The following LRRC3C variants were observed in gnomAD, a reference collection of about 807,000 sequenced individuals.
The protein encoded by LRRC3C is leucine-rich repeat-containing protein 3C.
Under a neutral mutation model 14.8 loss-of-function variants are expected in LRRC3C, and 11 were observed. The ratio of observed to expected loss-of-function variants is 0.74; its 90% confidence interval spans 0.47 to 1.23. LRRC3C has a LOEUF of 1.23. LRRC3C is among the 50% of genes most tolerant of loss of function. The pLI, the probability that LRRC3C is intolerant of heterozygous loss-of-function variation, is 0.00. For missense variants in LRRC3C, 354 were observed against 361.8 expected, an observed-to-expected ratio of 0.98 and a Z score of 0.18; for synonymous variants, 149 against 161.5, an observed-to-expected ratio of 0.92 and a Z score of 0.59.
chr17:39,938,965 G>A (rs906594374), intron 2 of LRRC3C, among the ~76,000 whole-genome samples: 2 of 150,656 alleles, frequency 1.3e-5, no homozygotes, highest in Admixed American at 6.6e-5. Flanking sequence ...CAGCCTGGGT[G>A]CACTCAGAGA....
intron 3 of LRRC3C, among the ~76,000 whole-genome samples, chr17:39,942,085 A>G (rs538386691): frequency 2.0e-5 from 3 of 152,332 alleles, no homozygotes; most frequent in South Asian, 2.1e-4. Flanking sequence ...CCTGCACAGC[A>G]TACGAGAGGA....
At chr17:39,938,584 C>G (rs1978860784) in intron 2 of LRRC3C, among the ~76,000 whole-genome samples, 1 of 151,818 alleles carries the variant, frequency 6.6e-6, no homozygotes, top group African/African-American at 2.4e-5. Context: ...GTCTGTGGTC[C>G]CAGCTACATA....
At chr17:39,933,324 G>A (rs138682696) in intron 1 of LRRC3C, among the ~76,000 whole-genome samples, 2 of 152,170 alleles carry the variant, frequency 1.3e-5, no homozygotes, top group South Asian at 2.1e-4. Context: ...AGTGGTGATC[G>A]GGCCTCTGCT....
intron 1 of LRRC3C, 131 bp from the exon 2 acceptor site, chr17:39,935,671 A>G (rs146420745): frequency 3.6e-6 from 1 of 275,874 alleles, no homozygotes; most frequent in East Asian, 1.8e-4. Flanking sequence ...GAAAAAAACA[A>G]CTCTGAATCC....
At position 39,944,607 on chromosome 17, in the gene LRRC3C, C is replaced by T. The variant is rs755512347; in HGVS notation, c.701C>T (p.Thr234Ile). 8.5e-6 allele frequency: 13 copies of T among 1,535,750 alleles called. No homozygotes were observed. The South Asian group carries it at 1.5e-4, about 18-fold the overall frequency. The stretch of plus-strand genomic sequence containing the variant: ...CTGGTCACCATGGGGGGCTGGCTGA[C>T]ACTCATGGTGGCTTATCTGGTGCAT... ...ALLVTMGGWL[T>I]LMVAYLVHYV... Residue 234 changes from threonine (T) to isoleucine (I), a missense_variant, in exon 4 of 4, where the codon ACA becomes ATA. Coordinates refer to ENST00000377924, the MANE Select transcript of LRRC3C (RefSeq NM_001195545.2).
At chr17:39,939,314 T>G in intron 2 of LRRC3C, 1 of 977,624 alleles carries the variant, frequency 1.0e-6, no homozygotes, top group Non-Finnish European at 1.2e-6. Flanking sequence ...TTATTAATAC[T>G]TATTCTCTCT....
chr17:39,935,929 A>G, intron 2 of LRRC3C, 35 bp downstream of exon 2: 1 of 957,556 alleles, frequency 1.0e-6, no homozygotes, highest in Non-Finnish European at 1.2e-6. Context: ...CTATCTATCT[A>G]TCTACCTACC....
At chr17:39,937,404 C>T (rs1327026217) in intron 2 of LRRC3C, among the ~76,000 whole-genome samples, 1 of 149,524 alleles carries the variant, frequency 6.7e-6, no homozygotes, top group Non-Finnish European at 1.5e-5. Flanking sequence ...CCATTGCACT[C>T]CAGCCTGGGC....
rs1382830403 is a variant in LRRC3C, at chr17:39,944,348, T to C, written c.442T>C (p.Phe148Leu). ...GCTGGCCTCAGTGCCCGTGGAGGCCTTTGTGGGGCTACAGATCCAAGTGAA... is the reference window on the plus strand; with the variant it reads ...GCTGGCCTCAGTGCCCGTGGAGGCCCTTGTGGGGCTACAGATCCAAGTGAA... ...NQLASVPVEA[F>L]VGLQIQVNLS... Residue 148 changes from phenylalanine (F) to leucine (L), a missense_variant, in exon 4 of 4, where the codon TTT (phenylalanine) becomes CTT (leucine). Transcript: ENST00000377924. The C allele has an allele frequency of 2.6e-6, 4 of 1,534,822 alleles. No individual in the cohort carries two copies. Among genetic ancestry groups the C allele is most frequent in the African/African-American group, 2.7e-5 (2 of 72,994 alleles).
rs34932103 is a variant in LRRC3C, at chr17:39,930,396, T to TA, written c.-175+2611dup. Among the ~76,000 whole-genome samples the TA allele has an allele frequency of 8.7e-3, 422 of 48,594 alleles. 16 individuals are homozygous for TA. Among genetic ancestry groups the TA allele is most frequent in the East Asian group, 0.017 (24 of 1,396 alleles). The allele number at this position is 48,594 out of a possible 152,430, so 31.9% of individuals were successfully genotyped here. A position where few individuals can be genotyped will look rare whatever the true frequency, so the allele number is the denominator to read the frequency against. On this transcript the variant is annotated intron_variant, in intron 1 of 3. Transcript: ENST00000377924. ...GATCCTGATTCAAGCAAACTGACTT[T>TA]AAAAAAAAAAAAAAAAAAAAAAAAA...
At position 39,935,922 on chromosome 17, in the gene LRRC3C, TCTATCTATCTACCTAC is replaced by T. The variant is rs1386424849; in HGVS notation, c.-82+40_-82+55del. 10 of 963,712 alleles carry T rather than the reference TCTATCTATCTACCTAC, an allele frequency of 1.0e-5. No individual in the cohort carries two copies. In the East Asian group the frequency reaches 1.0e-3, roughly 100 times the overall value. 59.7% of individuals were successfully genotyped at this position (963,712 alleles called of 1,614,324 possible). A position where few individuals can be genotyped will look rare whatever the true frequency, so the allele number is the denominator to read the frequency against. ...AGCCCTTCCTTATCTATCTTCTCTA[TCTATCTATCTACCTAC>T]CTATCTATCTATCTTTTTCCTTTCA... On this transcript the variant is annotated intron_variant, in intron 2 of 3. Transcript: ENST00000377924.
At chr17:39,941,412 C>T (rs555177306) in intron 2 of LRRC3C, 31 bp from the exon 3 acceptor site, 10 of 704,518 alleles carry the variant, frequency 1.4e-5, no homozygotes, top group Middle Eastern at 4.7e-4. Flanking sequence ...GGGACCCCCC[C>T]ACACACACCC....
In LRRC3C at chr17:39,930,277, CAAAAA is replaced by C. The variant is rs61165669; in HGVS notation, c.-175+2480_-175+2484del. Among the ~76,000 whole-genome samples, 24 of 57,550 alleles carry C rather than the reference CAAAAA, an allele frequency of 4.2e-4. 1 individual carries two copies. In the Admixed American group the frequency reaches 6.1e-3, roughly 15 times the overall value. 37.8% of individuals were successfully genotyped at this position (57,550 alleles called of 152,430 possible). A position where few individuals can be genotyped will look rare whatever the true frequency, so the allele number is the denominator to read the frequency against. On this transcript the variant is annotated intron_variant, in intron 1 of 3. Coordinates refer to ENST00000377924, the MANE Select transcript of LRRC3C (RefSeq NM_001195545.2). The stretch of plus-strand genomic sequence containing the variant: ...TGGGCAGCAGAGTGAGATCCTGTCT[CAAAAA>C]AAAAAAAAAAAAAAAAGGAAAAAAA...
In LRRC3C at chr17:39,941,537, C is replaced by T; in HGVS notation, c.14C>T (p.Ser5Leu). Reference protein sequence around the residue: MRMTSSSFVSYCTPG... With the variant: MRMTLSSFVSYCTPG... ...GAAAGGTCTCCAATGCGTATGACCT[C>T]ATCTTCCTTCGTGTAAGTATATCCA... Residue 5 changes from serine to leucine, a missense_variant, in exon 3 of 4, where the codon TCA (serine) becomes TTA (leucine). By Grantham distance (145) the Ser-to-Leu change is moderately radical. Transcript: ENST00000377924. 1 of 1,535,842 alleles carries T rather than the reference C, an allele frequency of 6.5e-7. No homozygotes were observed. Among genetic ancestry groups the T allele is most frequent in the Non-Finnish European group, 8.7e-7 (1 of 1,146,764 alleles).
intron 3 of LRRC3C, 134 bp from the exon 4 acceptor site, chr17:39,943,799 C>T: frequency 1.3e-6 from 1 of 772,530 alleles, no homozygotes; most frequent in Non-Finnish European, 2.0e-6. Context: ...GTCACCCAGG[C>T]TTGAGAGAAG....
At chr17:39,928,368 A>G (rs1402011048) in intron 1 of LRRC3C, among the ~76,000 whole-genome samples, 1 of 152,232 alleles carries the variant, frequency 6.6e-6, no homozygotes, top group Non-Finnish European at 1.5e-5. Context: ...CCTGGTAGAC[A>G]TGGGGTAGGC....
intron 2 of LRRC3C, among the ~76,000 whole-genome samples, chr17:39,937,686 T>A (rs1978836152): frequency 6.6e-6 from 1 of 152,182 alleles, no homozygotes; most frequent in Non-Finnish European, 1.5e-5. Flanking sequence ...AAAGCCCAGA[T>A]CAAATGTCAC....
chr17:39,944,374 C>T lies in LRRC3C; in HGVS notation c.468C>T (p.Asn156=). The T allele has an allele frequency of 4.6e-6, 7 of 1,529,796 alleles. No individual in the cohort carries two copies. Among genetic ancestry groups the T allele is most frequent in the Non-Finnish European group, 6.1e-6 (7 of 1,144,210 alleles). 94.8% of individuals were successfully genotyped at this position (1,529,796 alleles called of 1,614,324 possible). A position where few individuals can be genotyped will look rare whatever the true frequency, so the allele number is the denominator to read the frequency against. ...EAFVGLQIQV[N]LSANPWHCDC... ...TTGTGGGGCTACAGATCCAAGTGAA[C>T]CTATCCGCAAACCCATGGCACTGTG... The change falls in exon 4 of 4, where the codon AAC becomes AAT. Residue 156 remains asparagine (N), a synonymous_variant. Transcript: ENST00000377924.
At chr17:39,938,594 A>G (rs1483741400) in intron 2 of LRRC3C, among the ~76,000 whole-genome samples, 1 of 151,504 alleles carries the variant, frequency 6.6e-6, no homozygotes, top group Non-Finnish European at 1.5e-5. Context: ...CCAGCTACAT[A>G]GAAGGCTGAG....
Sources: gnomAD v4.1 joint callset for allele counts (sites outside exome capture counted in the v4.1 genomes callset) on GRCh38, gnomAD v4.1.1 for gene constraint, MANE v1.5 for transcripts, NCBI Gene and HGNC (gene_info 2026-07-23, HGNC 2026-07-21) for gene names.